The following YLPM1 variants were observed in gnomAD, a reference collection of about 807,000 sequenced individuals.
YLPM1 encodes the protein YLP motif-containing protein 1.
In YLPM1, 99 loss-of-function variants were observed where a neutral mutation model predicts 230.0. That is an observed-to-expected ratio of 0.43 (90% CI 0.37 to 0.51). The LOEUF (loss-of-function observed/expected upper bound fraction) is 0.51. Among genes scored for constraint, YLPM1 ranks in the 20% least tolerant of loss-of-function variants. The pLI is 0.00. For synonymous variants in YLPM1, 984 were observed against 942.5 expected, an observed-to-expected ratio of 1.04 and a Z score of -0.81; for missense variants, 2,592 against 2,707.7, an observed-to-expected ratio of 0.96 and a Z score of 0.95.
chr14:74,816,818 T>G, intron 13 of YLPM1, 113 bp from the exon 14 acceptor site: 3 of 1,438,480 alleles, frequency 2.1e-6, no homozygotes, highest in Non-Finnish European at 1.8e-6. Context: ...ACTTTAGTAC[T>G]TGGGTGTGAA....
At chr14:74,815,418 C>G (rs748169814) in intron 11 of YLPM1, among the ~76,000 whole-genome samples, 1 of 151,892 alleles carries the variant, frequency 6.6e-6, no homozygotes, top group Admixed American at 6.6e-5. Flanking sequence ...AAAAATTAGG[C>G]GGGCGTGGTG....
intron 1 of YLPM1, among the ~76,000 whole-genome samples, chr14:74,765,100 G>T (rs572158423): frequency 7.9e-5 from 12 of 152,290 alleles, no homozygotes; most frequent in African/African-American, 2.9e-4. Flanking sequence ...TTTGGCCAAC[G>T]TAAAAAAAGT....
At chr14:74,806,907 A>G (rs1392583750) in intron 6 of YLPM1, among the ~76,000 whole-genome samples, 3 of 152,020 alleles carry the variant, frequency 2.0e-5, no homozygotes, top group Admixed American at 6.5e-5. Context: ...TACTTTCACT[A>G]TATAGAATGA....
chr14:74,779,010 T>G (rs938397214), intron 2 of YLPM1, among the ~76,000 whole-genome samples: 1 of 152,046 alleles, frequency 6.6e-6, no homozygotes, highest in African/African-American at 2.4e-5. Context: ...CCGGCTAATT[T>G]TTGTATTTTT....
intron 17 of YLPM1, among the ~76,000 whole-genome samples, chr14:74,823,206 G>GTGTGT (rs2091536381): frequency 2.0e-5 from 3 of 152,062 alleles, no homozygotes; most frequent in African/African-American, 7.2e-5. Context: ...AATGCTTTGT[G>GTGTGT]ACTTACTTTA....
At chr14:74,820,536 CTG>C (rs981934420) in intron 16 of YLPM1, among the ~76,000 whole-genome samples, 41 of 152,196 alleles carry the variant, frequency 2.7e-4, no homozygotes, top group Admixed American at 2.6e-3. Context: ...GCGTGAGCCA[CTG>C]TGCCCAGGCC....
At chr14:74,770,804 A>G (rs1047341913) in intron 1 of YLPM1, among the ~76,000 whole-genome samples, 10 of 152,178 alleles carry the variant, frequency 6.6e-5, no homozygotes, top group African/African-American at 2.4e-4. Context: ...TACATAGGTG[A>G]ATGTGACAGA....
intron 6 of YLPM1, among the ~76,000 whole-genome samples, chr14:74,805,078 G>T (rs1293720604): frequency 4.0e-5 from 6 of 148,634 alleles, no homozygotes; most frequent in African/African-American, 1.5e-4. Context: ...GGAGTGCAGT[G>T]GCATGATTTC....
intron 6 of YLPM1, 142 bp from the exon 7 acceptor site, chr14:74,809,238 G>A: frequency 1.8e-6 from 2 of 1,087,352 alleles, no homozygotes. Context: ...TTTTTTGATG[G>A]TATGTTTTGA....
At chr14:74,815,392 TC>T (rs2091469636) in intron 11 of YLPM1, among the ~76,000 whole-genome samples, 1 of 151,866 alleles carries the variant, frequency 6.6e-6, no homozygotes, top group Non-Finnish European at 1.5e-5. Context: ...TGAAACCCCA[TC>T]TCTACTAAAA....
At chr14:74,788,361 C>T (rs942390697) in intron 4 of YLPM1, among the ~76,000 whole-genome samples, 4 of 152,148 alleles carry the variant, frequency 2.6e-5, no homozygotes, top group Non-Finnish European at 5.9e-5. Context: ...GCCTCGTGAT[C>T]CACCCGCCTC....
chr14:74,785,884 T>G (rs7154256), intron 4 of YLPM1, among the ~76,000 whole-genome samples: 1 of 152,058 alleles, frequency 6.6e-6, no homozygotes, highest in African/African-American at 2.4e-5. Context: ...GGAGCTGTTT[T>G]GACACTGTGT....
chr14:74,811,508 G>A (rs12588415), intron 9 of YLPM1, 112 bp from the exon 10 acceptor site: 286,980 of 685,882 alleles, frequency 0.42, 64,867 homozygotes, highest in East Asian at 0.49. Flanking sequence ...AACATTTACT[G>A]TGTGGAGTAC....
intron 4 of YLPM1, among the ~76,000 whole-genome samples, chr14:74,793,422 A>T (rs2091227062): frequency 1.3e-5 from 2 of 151,490 alleles, no homozygotes; most frequent in South Asian, 2.1e-4. Flanking sequence ...AGAATTGGAA[A>T]TTTTTTTTTC....
At position 74,763,466 on chromosome 14, in the gene YLPM1, G is replaced by A; in HGVS notation, c.-24G>A. 2.8e-6 allele frequency: 4 copies of A among 1,407,224 alleles called. No homozygotes were observed. Among genetic ancestry groups the A allele is most frequent in the East Asian group, 2.7e-5 (1 of 36,466 alleles). 87.2% of individuals were successfully genotyped at this position (1,407,224 alleles called of 1,614,324 possible). On this transcript the variant is annotated 5_prime_UTR_variant, in exon 1 of 21. Coordinates refer to ENST00000325680, the MANE Select transcript of YLPM1 (RefSeq NM_019589.3). Reference sequence around the variant, plus strand: ...TTGCGACGAGTAACGGCGCCAGGACGAGCCCTGCGCCTTCTTTTTCGATAT... The same window carrying A: ...TTGCGACGAGTAACGGCGCCAGGACAAGCCCTGCGCCTTCTTTTTCGATAT...
At chr14:74,764,944 G>T (rs2090896969) in intron 1 of YLPM1, among the ~76,000 whole-genome samples, 1 of 152,108 alleles carries the variant, frequency 6.6e-6, no homozygotes, top group Admixed American at 6.6e-5. Context: ...GATGAGTCCC[G>T]AGACCCTTTT....
intron 4 of YLPM1, among the ~76,000 whole-genome samples, chr14:74,794,191 T>TC (rs1389088755): frequency 2.1e-5 from 3 of 145,870 alleles, no homozygotes; most frequent in Non-Finnish European, 3.0e-5. Context: ...TTTCTCTCTC[T>TC]TTTTTTTTTG....
At chr14:74,820,109 T>C (rs1456147363) in intron 16 of YLPM1, among the ~76,000 whole-genome samples, 4 of 152,250 alleles carry the variant, frequency 2.6e-5, no homozygotes, top group African/African-American at 4.8e-5. Context: ...ACAAAAAATA[T>C]ATATTATCTT....
intron 13 of YLPM1, 48 bp from the exon 14 acceptor site, chr14:74,816,883 A>G (rs370351629): frequency 1.2e-4 from 176 of 1,513,368 alleles, no homozygotes; most frequent in Non-Finnish European, 1.4e-4. Context: ...AAGGTTTTGG[A>G]TGATTCTTTG....
Sources: allele counts gnomAD v4.1 joint callset (sites outside exome capture counted in the v4.1 genomes callset), GRCh38; gene constraint gnomAD v4.1.1; transcripts MANE v1.5; gene names NCBI Gene and HGNC (gene_info 2026-07-23, HGNC 2026-07-21).